THSD7A: variants seen among roughly 807,000 people sequenced by gnomAD.
The protein encoded by THSD7A is thrombospondin type-1 domain-containing protein 7A.
In THSD7A, 96 loss-of-function variants were observed where a neutral mutation model predicts 231.3. The observed-to-expected ratio is 0.41, with a 90% CI of 0.35 to 0.49. The LOEUF (loss-of-function observed/expected upper bound fraction) is 0.49, where lower values mean the gene tolerates loss of function less well. Among genes scored for constraint, THSD7A ranks in the 20% least tolerant of loss-of-function variants. The pLI, the probability that THSD7A is intolerant of heterozygous loss-of-function variation, is 0.05. For synonymous variants in THSD7A, 940 were observed against 743.3 expected, an observed-to-expected ratio of 1.26 and a Z score of -4.30; for missense variants, 2,290 against 2,070.2, an observed-to-expected ratio of 1.11 and a Z score of -2.06.
chr7:11,800,051 G>T (rs989221490), intron 1 of THSD7A, among the ~76,000 whole-genome samples: 14 of 152,226 alleles, frequency 9.2e-5, no homozygotes, highest in African/African-American at 3.4e-4. Context: ...AGTGTAAGGC[G>T]CTGGCTTCAC....
At chr7:11,791,100 C>T (rs1457806825) in intron 1 of THSD7A, among the ~76,000 whole-genome samples, 1 of 151,936 alleles carries the variant, frequency 6.6e-6, no homozygotes, top group Non-Finnish European at 1.5e-5. Flanking sequence ...TAAAGGAAAA[C>T]TACATTTAAA....
At chr7:11,648,967 A>G (rs1377210837) in intron 1 of THSD7A, among the ~76,000 whole-genome samples, 1 of 152,010 alleles carries the variant, frequency 6.6e-6, no homozygotes, top group Admixed American at 6.6e-5. Flanking sequence ...AGTCTCCAAG[A>G]TGATTCCAAT....
At chr7:11,461,901 T>G in intron 10 of THSD7A, 110 bp downstream of exon 10, 3 of 1,373,514 alleles carry the variant, frequency 2.2e-6, no homozygotes, top group Non-Finnish European at 3.0e-6. Context: ...CCCAACTCCA[T>G]TGAGCCTGTG....
intron 9 of THSD7A, among the ~76,000 whole-genome samples, chr7:11,463,727 TTTTAA>T (rs536429401): frequency 3.7e-4 from 56 of 152,306 alleles, no homozygotes; most frequent in Non-Finnish European, 6.2e-4. Context: ...TGTCATGGAC[TTTTAA>T]TTGTAGCAGT....
At position 11,787,740 on chromosome 7, in the gene THSD7A, A is replaced by G. The variant is rs115214241; in HGVS notation, c.190+44017T>C. ...CTGTTTAGAATAACTAGAATTCAAA[A>G]CCATGACAACATCTAAAGCTGGTAA... On this transcript the variant is annotated intron_variant, in intron 1 of 27. Coordinates refer to ENST00000423059, the MANE Select transcript of THSD7A (RefSeq NM_015204.3). Among the ~76,000 whole-genome samples the G allele has an allele frequency of 3.8e-3, 577 of 152,216 alleles. 3 individuals are homozygous for G. Among genetic ancestry groups the G allele is most frequent in the African/African-American group, 0.013 (535 of 41,534 alleles).
chr7:11,753,572 C>A (rs943228997), intron 1 of THSD7A, among the ~76,000 whole-genome samples: 4 of 151,504 alleles, frequency 2.6e-5, no homozygotes, highest in African/African-American at 9.7e-5. Context: ...CTCTCTCTCT[C>A]TCTCTGCAGT....
At chr7:11,607,889 C>T (rs1382040488) in intron 2 of THSD7A, among the ~76,000 whole-genome samples, 1 of 152,086 alleles carries the variant, frequency 6.6e-6, no homozygotes, top group Non-Finnish European at 1.5e-5. Context: ...ATCATATGCT[C>T]CCTATGAAAG....
At chr7:11,623,671 C>G (rs1450090956) in intron 2 of THSD7A, among the ~76,000 whole-genome samples, 4 of 152,122 alleles carry the variant, frequency 2.6e-5, no homozygotes, top group Admixed American at 2.6e-4. Flanking sequence ...TCACTCATCT[C>G]TCCCTCTTCG....
chr7:11,821,218 A>C (rs1784863734), intron 1 of THSD7A: 1 of 1,191,946 alleles, frequency 8.4e-7, no homozygotes, highest in Admixed American at 1.7e-5. Flanking sequence ...AATGGTCACT[A>C]TATGTTGGGC....
At chr7:11,659,091 A>G (rs936740118) in intron 1 of THSD7A, among the ~76,000 whole-genome samples, 3 of 151,374 alleles carry the variant, frequency 2.0e-5, no homozygotes, top group South Asian at 4.1e-4. Context: ...TTAATCTCCA[A>G]CTCTTCCAGT....
Position 11,709,576 on chromosome 7 carries a change from G to A in THSD7A, c.191-72615C>T, listed in dbSNP as rs1366556372. 7.3e-5 allele frequency among the ~76,000 whole-genome samples: 11 copies of A among 150,766 alleles called. No homozygotes were observed. In the Admixed American group the frequency reaches 7.3e-4, roughly 10 times the overall value. ...CAACTGCTGTCTCTTTTGGTGTATA[G>A]TTCAGTCAATACCTGATACACTATT... is the stretch of plus-strand genomic sequence containing the variant. On this transcript the variant is annotated intron_variant, in intron 1 of 27. Coordinates refer to ENST00000423059, the MANE Select transcript of THSD7A (RefSeq NM_015204.3).
At chr7:11,802,276 T>C (rs1035743367) in intron 1 of THSD7A, among the ~76,000 whole-genome samples, 1 of 152,198 alleles carries the variant, frequency 6.6e-6, no homozygotes, top group Non-Finnish European at 1.5e-5. Flanking sequence ...TATACATGCA[T>C]ATACCTGGCC....
At chr7:11,491,578 T>G (rs1786895683) in intron 6 of THSD7A, among the ~76,000 whole-genome samples, 1 of 152,028 alleles carries the variant, frequency 6.6e-6, no homozygotes, top group South Asian at 2.1e-4. Flanking sequence ...TGAGCTATAT[T>G]ACAGTACTTA....
chr7:11,815,282 T>G (rs1173265807), intron 1 of THSD7A, among the ~76,000 whole-genome samples: 1 of 151,834 alleles, frequency 6.6e-6, no homozygotes, highest in East Asian at 1.9e-4. Context: ...ACCTTGTCTC[T>G]GATTGCAAGT....
At chr7:11,445,412 C>A (rs1275306824) in intron 13 of THSD7A, among the ~76,000 whole-genome samples, 2 of 152,028 alleles carry the variant, frequency 1.3e-5, no homozygotes, top group African/African-American at 4.8e-5. Context: ...TTTGGCAACA[C>A]AATTATAATT....
At chr7:11,453,571 A>G (rs151217246) in intron 11 of THSD7A, among the ~76,000 whole-genome samples, 83 of 152,096 alleles carry the variant, frequency 5.5e-4, no homozygotes, top group African/African-American at 1.9e-3. Flanking sequence ...AAGAAAACAG[A>G]GGGGCTATTA....
chr7:11,462,096 G>A lies in THSD7A; in HGVS notation c.2416C>T (p.Leu806=). 9 of 1,613,810 alleles carry A rather than the reference G, an allele frequency of 5.6e-6. No individual in the cohort carries two copies. The highest frequency in any genetic ancestry group is 1.7e-4 in the Middle Eastern group (1 of 6,052). The stretch of plus-strand genomic sequence containing the variant: ...CAGTCTCGGCCCCCGTTGGCTGGCA[G>A]CTGAATGATGACCCGATGCCTAGAC... ...KQSRHRVIIQ[L]PANGGRDCTD... The change falls in exon 10 of 28, where the codon CTG becomes TTG. Residue 806 remains leucine (L), a synonymous_variant. Transcript: ENST00000423059.
At chr7:11,778,001 A>T (rs1334840959) in intron 1 of THSD7A, among the ~76,000 whole-genome samples, 1 of 150,106 alleles carries the variant, frequency 6.7e-6, no homozygotes, top group Admixed American at 6.6e-5. Flanking sequence ...TACAAAAAAA[A>T]AAAAAATTAG....
intron 18 of THSD7A, among the ~76,000 whole-genome samples, chr7:11,412,094 G>A (rs1399721442): frequency 6.6e-6 from 1 of 152,114 alleles, no homozygotes; most frequent in East Asian, 1.9e-4. Flanking sequence ...TTCTTTCCTA[G>A]AGTATGCACC....
Sources: allele counts gnomAD v4.1 joint callset (sites outside exome capture counted in the v4.1 genomes callset), GRCh38; gene constraint gnomAD v4.1.1; transcripts MANE v1.5; gene names NCBI Gene and HGNC (gene_info 2026-07-23, HGNC 2026-07-21).